The following NCOA2 variants were observed in gnomAD, a reference collection of about 807,000 sequenced individuals.
The protein encoded by NCOA2 is nuclear receptor coactivator 2.
NCOA2 carries 21 observed loss-of-function variants against 145.1 expected under a neutral mutation model. The observed-to-expected ratio is 0.14, with a 90% confidence interval of 0.10 to 0.21. The LOEUF is 0.21. Among genes scored for constraint, NCOA2 ranks in the 10% least tolerant of loss-of-function variants. The probability of loss-of-function intolerance (pLI) is 1.00; values close to 1 mark genes in which losing one functional copy is unlikely to be tolerated. For synonymous variants in NCOA2, 619 were observed against 637.5 expected (o/e 0.97, Z 0.44); for missense variants, 1,472 against 1,837.6 (o/e 0.80, Z 3.64).
chr8:70,141,476 T>C (rs17747191), intron 13 of NCOA2, 77 bp from the exon 14 acceptor site: 19,607 of 1,283,476 alleles, frequency 0.015, 209 homozygotes, highest in Non-Finnish European at 0.017. Context: ...CAGATGATCT[T>C]ACCCTACAAA....
chr8:70,454,231 C>T, the NCOA2 span, among the ~76,000 whole-genome samples: 2 of 152,134 alleles, frequency 1.3e-5, no homozygotes, highest in East Asian at 3.8e-4. Flanking sequence ...CTATATTTAG[C>T]ATCAAATGGA....
chr8:70,173,987 C>T (rs543069696), intron 5 of NCOA2, among the ~76,000 whole-genome samples: 31 of 152,298 alleles, frequency 2.0e-4, no homozygotes, highest in East Asian at 1.7e-3. Flanking sequence ...TCAACCTCAT[C>T]GTATCATCAG....
chr8:70,353,532 A>G (rs1162386658), intron 1 of NCOA2, among the ~76,000 whole-genome samples: 1 of 150,182 alleles, frequency 6.7e-6, no homozygotes, highest in East Asian at 1.9e-4. Context: ...TGATCATATA[A>G]ACTCATTTCA....
chr8:70,157,235 T>G lies in NCOA2; in HGVS notation c.1130A>C (p.Gln377Pro), dbSNP rs1042720564. 1 of 1,532,288 alleles carries G rather than the reference T, an allele frequency of 6.5e-7. No individual in the cohort carries two copies. 94.9% of individuals were successfully genotyped at this position (1,532,288 alleles called of 1,614,324 possible). The change falls in exon 11 of 23, where the codon CAG becomes CCG. Residue 377 changes from glutamine (Q) to proline (P), a missense_variant. Physicochemically the swap from Gln to Pro is moderately conservative, Grantham distance 76. Around this residue, in one of 4 missense-constraint regions of NCOA2, gnomAD observed 284 missense variants for 467.8 expected, o/e 0.61. Transcript: ENST00000452400. The part of the protein sequence containing the change: ...VISLHMLHRE[Q>P]NVCVMNPDLT... ...ATCCGGATTCATCACACACACATTC[T>G]GCTCTCTGTATAACGAGAAAAGAAA...
chr8:70,399,167 AG>A (rs1161374578), intron 1 of NCOA2, among the ~76,000 whole-genome samples: 1 of 152,216 alleles, frequency 6.6e-6, no homozygotes, highest in Non-Finnish European at 1.5e-5. Flanking sequence ...TGTATTTCAT[AG>A]CTTTTCCAGC....
In NCOA2 at chr8:70,159,242, A is replaced by ATATATATATT; in HGVS notation, c.1124+262_1124+263insAATATATATA. On this transcript the variant is annotated intron_variant, in intron 10 of 22. Transcript: ENST00000452400. The stretch of plus-strand genomic sequence containing the variant: ...TAACATTATATATATATATATATAT[A>ATATATATATT]TTTTTTTTTTTTTCCCCCAAATATT... 3.5e-3 allele frequency among the ~76,000 whole-genome samples: 215 copies of ATATATATATT among 61,072 alleles called. 7 individuals carry two copies. Among genetic ancestry groups the ATATATATATT allele is most frequent in the South Asian group, 9.8e-3 (27 of 2,754 alleles). 40.1% of individuals were successfully genotyped at this position (61,072 alleles called of 152,430 possible).
intron 16 of NCOA2, among the ~76,000 whole-genome samples, chr8:70,130,917 G>C (rs1013302141): frequency 6.6e-6 from 1 of 152,222 alleles, no homozygotes; most frequent in Admixed American, 6.5e-5. Context: ...AGTCAGTTCA[G>C]ATAGTGTTTT....
the NCOA2 span, among the ~76,000 whole-genome samples, chr8:70,451,576 A>C: frequency 4.9e-5 from 7 of 141,652 alleles, no homozygotes; most frequent in South Asian, 1.6e-3. Flanking sequence ...AAGCACTCAC[A>C]AATATTTTAA....
intron 14 of NCOA2, among the ~76,000 whole-genome samples, chr8:70,139,698 G>A (rs1453854801): frequency 7.2e-6 from 1 of 138,156 alleles, no homozygotes; most frequent in Non-Finnish European, 1.5e-5. Flanking sequence ...TGTTGCCCAG[G>A]CTGGAATGCA....
At chr8:70,415,326 C>T in the NCOA2 span, among the ~76,000 whole-genome samples, 2 of 151,976 alleles carry the variant, frequency 1.3e-5, no homozygotes, top group Non-Finnish European at 2.9e-5. Flanking sequence ...AAGACTCTGT[C>T]CCAAACAAAC....
At chr8:70,424,196 G>A in the NCOA2 span, 20 of 280,472 alleles carry the variant, frequency 7.1e-5, no homozygotes, top group Non-Finnish European at 6.9e-5. Context: ...CTTCAGACAC[G>A]AAGACCCCAG....
intron 2 of NCOA2, among the ~76,000 whole-genome samples, chr8:70,217,451 C>T (rs1394291113): frequency 6.6e-6 from 1 of 152,078 alleles, no homozygotes; most frequent in Non-Finnish European, 1.5e-5. Context: ...ACAGCATGGT[C>T]ACTTCCTCTC....
At chr8:70,323,689 T>C (rs1260956359) in intron 1 of NCOA2, among the ~76,000 whole-genome samples, 2 of 152,228 alleles carry the variant, frequency 1.3e-5, no homozygotes, top group African/African-American at 4.8e-5. Context: ...TATATGATTA[T>C]AACATTGTCT....
chr8:70,382,852 T>G (rs567817594), intron 1 of NCOA2, among the ~76,000 whole-genome samples: 19 of 152,344 alleles, frequency 1.2e-4, no homozygotes, highest in African/African-American at 4.6e-4. Context: ...TTAATAATAA[T>G]ACTTCGCAAT....
chr8:70,368,047 T>C (rs1157678407), intron 1 of NCOA2, among the ~76,000 whole-genome samples: 1 of 152,120 alleles, frequency 6.6e-6, no homozygotes, highest in African/African-American at 2.4e-5. Context: ...AAATGAAGAC[T>C]AGGAAATGAG....
intron 2 of NCOA2, among the ~76,000 whole-genome samples, chr8:70,280,176 C>G (rs777511915): frequency 6.6e-6 from 1 of 152,112 alleles, no homozygotes; most frequent in Non-Finnish European, 1.5e-5. Context: ...TTAGGGATAC[C>G]TTAGTAGAAG....
Position 70,156,192 on chromosome 8 carries a change from C to T in NCOA2, c.2173G>A (p.Gly725Arg). Residue 725 changes from glycine (G) to arginine (R), a missense_variant, in exon 11 of 23, where the codon GGA (glycine) becomes AGA (arginine). By Grantham distance (125) the Gly-to-Arg change is moderately radical. This residue lies in a region of NCOA2 where 953 missense variants were observed against 1,062.1 expected (regional missense o/e 0.90). Coordinates refer to ENST00000452400, the MANE Select transcript of NCOA2 (RefSeq NM_006540.4). ...LSQESSSTAP[G>R]SEVTIKQEPV... ...TCTTGTTTAATAGTCACTTCTGATC[C>T]AGGAGCTGTGCTGCTGGACTCCTGG... is the stretch of plus-strand genomic sequence containing the variant. 3 of 1,613,934 alleles carry T rather than the reference C, an allele frequency of 1.9e-6. No homozygotes were observed. Among genetic ancestry groups the T allele is most frequent in the Non-Finnish European group, 2.5e-6 (3 of 1,179,882 alleles).
intron 2 of NCOA2, among the ~76,000 whole-genome samples, chr8:70,261,165 C>T (rs1017759886): frequency 1.3e-4 from 20 of 152,132 alleles, no homozygotes; most frequent in Non-Finnish European, 2.4e-4. Flanking sequence ...ATGTTTATTG[C>T]GGCACTATTC....
At chr8:70,302,681 C>G (rs1288797516) in intron 1 of NCOA2, among the ~76,000 whole-genome samples, 1 of 152,112 alleles carries the variant, frequency 6.6e-6, no homozygotes, top group African/African-American at 2.4e-5. Context: ...TTAAAGTTAA[C>G]TGAAAGTCAA....
Sources: allele counts gnomAD v4.1 joint callset (sites outside exome capture counted in the v4.1 genomes callset), GRCh38; gene constraint gnomAD v4.1.1; regional missense constraint gnomAD v4.1.1; transcripts MANE v1.5; gene names NCBI Gene and HGNC (gene_info 2026-07-23, HGNC 2026-07-21).